GALNT10: variants seen among roughly 807,000 people sequenced by gnomAD.
GALNT10 encodes GalNAc transferase 10.
GALNT10 carries 41 observed loss-of-function variants against 75.0 expected under a neutral mutation model. The observed-to-expected ratio is 0.55, with a 90% CI of 0.43 to 0.71. The LOEUF is 0.71. Ranked by LOEUF, GALNT10 falls within the 30% of genes least tolerant of loss-of-function variation. The probability of loss-of-function intolerance (pLI) is 0.00; values close to 1 mark genes in which losing one functional copy is unlikely to be tolerated. For synonymous variants in GALNT10, 302 were observed against 313.0 expected (o/e 0.96, Z 0.37); for missense variants, 727 against 818.5 (o/e 0.89, Z 1.36).
chr5:154,260,632 T>C (rs2034582), intron 1 of GALNT10, among the ~76,000 whole-genome samples: 99,533 of 152,140 alleles, frequency 0.65, 32,927 homozygotes, highest in East Asian at 0.86. Context: ...CCACTCTAGT[T>C]GCAGGGAATT....
chr5:154,325,602 C>T (rs28631269), intron 3 of GALNT10, among the ~76,000 whole-genome samples: 3,356 of 145,184 alleles, frequency 0.023, 112 homozygotes, highest in African/African-American at 0.081. Context: ...AAATAAAGGA[C>T]AAAACTTACA....
intron 1 of GALNT10, among the ~76,000 whole-genome samples, chr5:154,251,675 A>T (rs1753525336): frequency 6.6e-6 from 1 of 152,160 alleles, no homozygotes; most frequent in Non-Finnish European, 1.5e-5. Context: ...TGACCTCAGT[A>T]GTCTTTGATG....
intron 5 of GALNT10, among the ~76,000 whole-genome samples, chr5:154,377,177 A>T (rs1318182506): frequency 6.6e-6 from 1 of 152,148 alleles, no homozygotes; most frequent in Non-Finnish European, 1.5e-5. Context: ...GGAAGACTGG[A>T]GGCTGGGTGA....
rs141800911 is a variant in GALNT10 at position 154,249,179 on chromosome 5, G to A, written c.160-45637G>A. On this transcript the variant is annotated intron_variant, in intron 1 of 11. Coordinates refer to ENST00000297107, the MANE Select transcript of GALNT10 (RefSeq NM_198321.4). ...ATGCAGTTCCTGGTCTAGTCTTGACGTGCATTTGTTCAAACACAGATTTCT... is the reference window on the plus strand; with the variant it reads ...ATGCAGTTCCTGGTCTAGTCTTGACATGCATTTGTTCAAACACAGATTTCT... 2.3e-3 allele frequency among the ~76,000 whole-genome samples: 350 copies of A among 152,294 alleles called. 2 individuals are homozygous for A. The South Asian group carries it at 0.03, about 13-fold the overall frequency.
At chr5:154,244,209 A>G (rs1032841589) in intron 1 of GALNT10, among the ~76,000 whole-genome samples, 17 of 152,222 alleles carry the variant, frequency 1.1e-4, no homozygotes, top group Admixed American at 8.5e-4. Context: ...ACGTAGTTAG[A>G]TAGCAGTCAT....
At chr5:154,336,858 T>C (rs1379102464) in intron 4 of GALNT10, among the ~76,000 whole-genome samples, 4 of 152,218 alleles carry the variant, frequency 2.6e-5, no homozygotes, top group African/African-American at 9.6e-5. Context: ...AGCACTATGG[T>C]AGGTTCTGTC....
intron 1 of GALNT10, among the ~76,000 whole-genome samples, chr5:154,191,431 T>TCCCCC (rs1446489673): frequency 3.6e-5 from 2 of 55,180 alleles, no homozygotes; most frequent in African/African-American, 1.5e-4. Flanking sequence ...GCTTCCCTCC[T>TCCCCC]CCCACCCCCC....
intron 4 of GALNT10, among the ~76,000 whole-genome samples, chr5:154,343,421 G>A (rs1755065462): frequency 6.6e-6 from 1 of 152,178 alleles, no homozygotes; most frequent in African/African-American, 2.4e-5. Flanking sequence ...TAATAGATGG[G>A]AAAGCACTTT....
At chr5:154,403,580 C>T (rs1211973767) in intron 7 of GALNT10, among the ~76,000 whole-genome samples, 3 of 152,192 alleles carry the variant, frequency 2.0e-5, no homozygotes, top group East Asian at 1.9e-4. Context: ...AGTAAATCTA[C>T]GGAACCTGTG....
chr5:154,278,431 A>G (rs547969152), intron 1 of GALNT10, among the ~76,000 whole-genome samples: 1 of 152,362 alleles, frequency 6.6e-6, no homozygotes, highest in South Asian at 2.1e-4. Flanking sequence ...GTGTGACTTC[A>G]AAGAGCCTTT....
chr5:154,356,916 C>A (rs879804929), intron 4 of GALNT10, among the ~76,000 whole-genome samples: 6 of 152,198 alleles, frequency 3.9e-5, no homozygotes, highest in Non-Finnish European at 7.3e-5. Flanking sequence ...GGAATTTTAC[C>A]TTTTTATTTT....
intron 1 of GALNT10, among the ~76,000 whole-genome samples, chr5:154,262,126 G>A (rs142098035): frequency 1.9e-3 from 288 of 152,168 alleles, no homozygotes; most frequent in African/African-American, 6.5e-3. Context: ...AGTTATTTTC[G>A]GTAACATTAA....
At chr5:154,206,434 G>A (rs1218830207) in intron 1 of GALNT10, among the ~76,000 whole-genome samples, 1 of 152,178 alleles carries the variant, frequency 6.6e-6, no homozygotes, top group Non-Finnish European at 1.5e-5. Flanking sequence ...CCTTGAGAGA[G>A]CTCCTAGTCT....
chr5:154,316,944 G>A (rs772444226), intron 3 of GALNT10, among the ~76,000 whole-genome samples: 1 of 152,154 alleles, frequency 6.6e-6, no homozygotes, highest in Non-Finnish European at 1.5e-5. Flanking sequence ...TTTGCTGTGA[G>A]TTGTCCTCCA....
At chr5:154,275,117 G>C (rs928762611) in intron 1 of GALNT10, among the ~76,000 whole-genome samples, 3 of 152,192 alleles carry the variant, frequency 2.0e-5, no homozygotes, top group Non-Finnish European at 4.4e-5. Flanking sequence ...CGAATGAGTT[G>C]AGCTTCCAGA....
At chr5:154,403,585 C>G (rs1230954190) in intron 7 of GALNT10, among the ~76,000 whole-genome samples, 2 of 152,190 alleles carry the variant, frequency 1.3e-5, no homozygotes, top group African/African-American at 2.4e-5. Flanking sequence ...ATCTACGGAA[C>G]CTGTGTGCCA....
rs1327489320 is a variant in GALNT10 at position 154,380,499 on chromosome 5, T to A, written c.806T>A (p.Ile269Asn). The A allele has an allele frequency of 6.2e-7, 1 of 1,614,122 alleles. No individual in the cohort carries two copies. The highest frequency in any genetic ancestry group is 1.7e-5 in the Admixed American group (1 of 60,020). Reference protein sequence around the residue: ...KTIVCPMIDVIDHDDFRYETQ... With the variant: ...KTIVCPMIDVNDHDDFRYETQ... ...ATTGTGTGCCCGATGATTGATGTAATTGACCATGACGACTTTCGGTACGAG... is the reference window on the plus strand; with the variant it reads ...ATTGTGTGCCCGATGATTGATGTAAATGACCATGACGACTTTCGGTACGAG... The change falls in exon 6 of 12, where the codon ATT (isoleucine) becomes AAT (asparagine). Residue 269 changes from isoleucine to asparagine, a missense_variant. Transcript: ENST00000297107.
In GALNT10 at chr5:154,241,041, A is replaced by AG. The variant is rs538430129; in HGVS notation, c.159+50021dup. Among the ~76,000 whole-genome samples the AG allele has an allele frequency of 5.1e-4, 77 of 152,310 alleles. 1 individual carries two copies. The South Asian group carries it at 0.016, about 32-fold the overall frequency. ...GTAAATGGCTGGAGGTGTTGCTTTG[A>AG]GGGGGCCTCTTGCTCAGATTTGGAG... On this transcript the variant is annotated intron_variant, in intron 1 of 11. Transcript: ENST00000297107.
chr5:154,390,271 A>G (rs1207468690), intron 7 of GALNT10, among the ~76,000 whole-genome samples: 4 of 139,318 alleles, frequency 2.9e-5, no homozygotes, highest in Non-Finnish European at 6.1e-5. Flanking sequence ...ATGGCCCCCC[A>G]TGTCTCTCGC....
Sources: gnomAD v4.1 joint callset for allele counts (sites outside exome capture counted in the v4.1 genomes callset) on GRCh38, gnomAD v4.1.1 for gene constraint, MANE v1.5 for transcripts, NCBI Gene and HGNC (gene_info 2026-07-23, HGNC 2026-07-21) for gene names.